TACR1: variants seen among roughly 807,000 people sequenced by gnomAD.
The protein encoded by TACR1 is substance-P receptor.
TACR1 carries 25 observed loss-of-function variants against 35.8 expected under a neutral mutation model. The ratio of observed to expected loss-of-function variants is 0.70; its 90% CI spans 0.51 to 0.98. The LOEUF is 0.98. Ranked by LOEUF, TACR1 falls within the 50% of genes least tolerant of loss-of-function variation. The pLI is 0.00. For synonymous variants in TACR1, 195 were observed against 206.7 expected (o/e 0.94, Z 0.48); for missense variants, 478 against 522.9 (o/e 0.91, Z 0.84).
chr2:75,093,463 T>C (rs1673348747), intron 2 of TACR1, among the ~76,000 whole-genome samples: 2 of 152,166 alleles, frequency 1.3e-5, no homozygotes, highest in South Asian at 4.1e-4. Flanking sequence ...CCCTGTGGAA[T>C]TCTCAACAAA....
At chr2:75,119,985 TG>T (rs1442047475) in intron 2 of TACR1, among the ~76,000 whole-genome samples, 1 of 152,124 alleles carries the variant, frequency 6.6e-6, no homozygotes, top group Non-Finnish European at 1.5e-5. Flanking sequence ...TCGGACGTGA[TG>T]TAAAACACAA....
chr2:75,135,988 G>A (rs554172657), intron 1 of TACR1, among the ~76,000 whole-genome samples: 56 of 152,296 alleles, frequency 3.7e-4, no homozygotes, highest in East Asian at 3.9e-4. Context: ...GCTCACTAGG[G>A]ACACCAGGAA....
intron 1 of TACR1, among the ~76,000 whole-genome samples, chr2:75,146,157 C>G (rs1674507496): frequency 6.6e-6 from 1 of 152,168 alleles, no homozygotes; most frequent in Non-Finnish European, 1.5e-5. Flanking sequence ...GTGTCTCTCT[C>G]TGTCGCCCAG....
intron 2 of TACR1, among the ~76,000 whole-genome samples, chr2:75,092,283 C>A (rs1673326552): frequency 6.6e-6 from 1 of 152,052 alleles, no homozygotes; most frequent in Non-Finnish European, 1.5e-5. Flanking sequence ...TTTTAAAAAC[C>A]TCCCTGCTTG....
chr2:75,056,971 CACA>C (rs1350948913), intron 2 of TACR1, among the ~76,000 whole-genome samples: 4 of 152,150 alleles, frequency 2.6e-5, no homozygotes, highest in Admixed American at 2.0e-4. Context: ...TGAATCTGCA[CACA>C]ACATCATTCA....
intron 1 of TACR1, among the ~76,000 whole-genome samples, chr2:75,192,022 C>T (rs1378161035): frequency 1.3e-5 from 2 of 152,082 alleles, no homozygotes; most frequent in African/African-American, 2.4e-5. Flanking sequence ...AAGGACCCCT[C>T]AGCTAGACTT....
At chr2:75,126,168 T>G (rs530283815) in intron 1 of TACR1, among the ~76,000 whole-genome samples, 1 of 152,154 alleles carries the variant, frequency 6.6e-6, no homozygotes, top group Non-Finnish European at 1.5e-5. Context: ...TGGGAACATG[T>G]GGTATTTGAT....
Position 75,051,412 on chromosome 2 carries a change from G to A in TACR1, c.771C>T (p.Phe257=), listed in dbSNP as rs17838408. The change falls in exon 4 of 5, where the codon TTC becomes TTT. Residue 257 remains phenylalanine (F), a synonymous_variant. Coordinates refer to ENST00000305249, the MANE Select transcript of TACR1 (RefSeq NM_001058.4). Reference sequence around the variant, plus strand: ...TGTGGAAGGGCAGCCAGCAGATGGCGAAGGTGCACACCACGACAATCATCA... The same window carrying A: ...TGTGGAAGGGCAGCCAGCAGATGGCAAAGGTGCACACCACGACAATCATCA... ...VKMMIVVVCT[F]AICWLPFHIF... The A allele has an allele frequency of 2.5e-5, 40 of 1,614,028 alleles. No homozygotes were observed. Among genetic ancestry groups the A allele is most frequent in the East Asian group, 8.9e-5 (4 of 44,892 alleles).
chr2:75,163,508 G>T (rs1479352925), intron 1 of TACR1, among the ~76,000 whole-genome samples: 1 of 152,104 alleles, frequency 6.6e-6, no homozygotes, highest in African/African-American at 2.4e-5. Context: ...GGATTGCTTG[G>T]CAGGGCAAAG....
intron 2 of TACR1, among the ~76,000 whole-genome samples, chr2:75,075,414 G>A (rs781593883): frequency 7.2e-5 from 11 of 152,086 alleles, no homozygotes; most frequent in Non-Finnish European, 1.0e-4. Flanking sequence ...AACATATGTC[G>A]GAGAGAAGCT....
chr2:75,151,927 C>T (rs996213838), intron 1 of TACR1, among the ~76,000 whole-genome samples: 1 of 152,178 alleles, frequency 6.6e-6, no homozygotes, highest in Admixed American at 6.5e-5. Flanking sequence ...CAAAGGAGAT[C>T]ATTCTGGAAC....
chr2:75,157,491 T>C (rs916506904), intron 1 of TACR1, among the ~76,000 whole-genome samples: 1 of 152,198 alleles, frequency 6.6e-6, no homozygotes, highest in African/African-American at 2.4e-5. Flanking sequence ...AGAAGGGGGA[T>C]TGTACCCACC....
In TACR1 at chr2:75,160,769, CAT is replaced by C. The variant is rs746144145; in HGVS notation, c.389+37775_389+37776del. On this transcript the variant is annotated intron_variant, in intron 1 of 4. Coordinates refer to ENST00000305249, the MANE Select transcript of TACR1 (RefSeq NM_001058.4). Reference sequence around the variant, plus strand: ...TTTGAACAGAAGTAATGATTTAAGACATAACCGAAAAAAAAGTTCCTTAATGA... The same window carrying C: ...TTTGAACAGAAGTAATGATTTAAGACAACCGAAAAAAAAGTTCCTTAATGA... 1.4e-4 allele frequency among the ~76,000 whole-genome samples: 21 copies of C among 145,040 alleles called. 1 individual carries two copies. Among genetic ancestry groups the C allele is most frequent in the Admixed American group, 2.8e-4 (4 of 14,218 alleles).
intron 2 of TACR1, among the ~76,000 whole-genome samples, chr2:75,058,481 C>G (rs1672613219): frequency 1.3e-5 from 2 of 152,252 alleles, no homozygotes; most frequent in South Asian, 4.1e-4. Flanking sequence ...GAGAAGAGAT[C>G]TGGGGTTAAG....
At chr2:75,167,541 T>C (rs1186070852) in intron 1 of TACR1, among the ~76,000 whole-genome samples, 1 of 152,208 alleles carries the variant, frequency 6.6e-6, no homozygotes, top group Admixed American at 6.5e-5. Flanking sequence ...CATTATAAAT[T>C]TATGGAAAAG....
Position 75,070,344 on chromosome 2 carries a change from G to A in TACR1, c.585-16589C>T, listed in dbSNP as rs77806894. On this transcript the variant is annotated intron_variant, in intron 2 of 4. Coordinates refer to ENST00000305249, the MANE Select transcript of TACR1 (RefSeq NM_001058.4). ...GTGCACTGCTTCTGTCATAGAATCA[G>A]CCATTACTCTAAGGAGCCCTGGTTC... 3.9e-5 allele frequency among the ~76,000 whole-genome samples: 6 copies of A among 152,014 alleles called. No homozygotes were observed. In the East Asian group the frequency reaches 1.2e-3, roughly 29 times the overall value.
At chr2:75,113,079 A>C (rs1303779416) in intron 2 of TACR1, among the ~76,000 whole-genome samples, 1 of 152,226 alleles carries the variant, frequency 6.6e-6, no homozygotes, top group Non-Finnish European at 1.5e-5. Context: ...AGTATTTGAA[A>C]GATTTTTCCC....
chr2:75,095,328 C>G (rs2422098), intron 2 of TACR1, among the ~76,000 whole-genome samples: 45,288 of 151,974 alleles, frequency 0.3, 9,211 homozygotes, highest in East Asian at 0.56. Context: ...TTTTGGTCAG[C>G]CTTCAGGTAA....
intron 2 of TACR1, among the ~76,000 whole-genome samples, chr2:75,063,904 C>T (rs370907421): frequency 3.9e-5 from 6 of 152,086 alleles, no homozygotes; most frequent in South Asian, 2.1e-4. Flanking sequence ...ACATTTCTTA[C>T]GAAGAAGGTT....
Sources: allele counts gnomAD v4.1 joint callset (sites outside exome capture counted in the v4.1 genomes callset), GRCh38; gene constraint gnomAD v4.1.1; transcripts MANE v1.5; gene names NCBI Gene and HGNC (gene_info 2026-07-23, HGNC 2026-07-21).